The following CDK8 variants were observed in gnomAD, a reference collection of about 807,000 sequenced individuals.
CDK8 encodes the protein cyclin-dependent kinase 8.
In CDK8, 29 loss-of-function variants were observed where a neutral mutation model predicts 71.5. The observed-to-expected ratio is 0.41, with a 90% confidence interval of 0.30 to 0.55. CDK8 has a LOEUF of 0.55. Among genes scored for constraint, CDK8 ranks in the 20% least tolerant of loss-of-function variants. The probability of loss-of-function intolerance (pLI) is 0.37; values close to 1 mark genes in which losing one functional copy is unlikely to be tolerated. For missense variants in CDK8, 288 were observed against 572.6 expected (o/e 0.50, Z 5.07); for synonymous variants, 161 against 192.1 (o/e 0.84, Z 1.34).
intron 12 of CDK8, among the ~76,000 whole-genome samples, chr13:26,402,010 A>T (rs998910): frequency 6.6e-6 from 1 of 152,190 alleles, no homozygotes; most frequent in Non-Finnish European, 1.5e-5. Flanking sequence ...TTTTGGAACA[A>T]TGTTTCACAG....
chr13:26,275,926 A>G (rs1872545930), intron 1 of CDK8, among the ~76,000 whole-genome samples: 1 of 152,036 alleles, frequency 6.6e-6, no homozygotes, highest in Non-Finnish European at 1.5e-5. Flanking sequence ...GCCGTGGCAC[A>G]ATCTTGGCTC....
chr13:26,291,900 C>T (rs1873322496), intron 1 of CDK8, among the ~76,000 whole-genome samples: 1 of 152,032 alleles, frequency 6.6e-6, no homozygotes, highest in African/African-American at 2.4e-5. Flanking sequence ...GGGTTTACTC[C>T]CTTATTTTGC....
chr13:26,381,778 C>T (rs1875238160), intron 4 of CDK8, among the ~76,000 whole-genome samples: 1 of 151,174 alleles, frequency 6.6e-6, no homozygotes, highest in Admixed American at 6.6e-5. Flanking sequence ...CTGGGAATAA[C>T]TATCTTTGGT....
chr13:26,310,671 A>G (rs1224174030), intron 1 of CDK8, among the ~76,000 whole-genome samples: 2 of 152,126 alleles, frequency 1.3e-5, no homozygotes, highest in African/African-American at 4.8e-5. Flanking sequence ...GGCTATAAAT[A>G]CAGATGAAGC....
chr13:26,352,970 G>T (rs1355476136), intron 3 of CDK8, among the ~76,000 whole-genome samples: 2 of 152,154 alleles, frequency 1.3e-5, no homozygotes, highest in African/African-American at 2.4e-5. Context: ...TTAGGTTCAG[G>T]GATATGTACA....
Position 26,346,183 on chromosome 13 carries a change from G to C in CDK8, c.205-2889G>C, listed in dbSNP as rs145458919. Among the ~76,000 whole-genome samples, 880 of 152,188 alleles carry C rather than the reference G, an allele frequency of 5.8e-3. 10 individuals are homozygous for C. The highest frequency in any genetic ancestry group is 0.02 in the African/African-American group (833 of 41,534). On this transcript the variant is annotated intron_variant, in intron 2 of 12. Transcript: ENST00000381527. Reference sequence around the variant, plus strand: ...AAACCCCTTAAACCCCTGTTTTCTCGTTTGTAAAATAGGGGTTATATAAAT... The same window carrying C: ...AAACCCCTTAAACCCCTGTTTTCTCCTTTGTAAAATAGGGGTTATATAAAT...
intron 1 of CDK8, among the ~76,000 whole-genome samples, chr13:26,267,572 G>A (rs1566463885): frequency 6.6e-6 from 1 of 152,026 alleles, no homozygotes; most frequent in Non-Finnish European, 1.5e-5. Flanking sequence ...CATGACCGTG[G>A]AAAAAAATTT....
chr13:26,273,066 T>C (rs1001912086), intron 1 of CDK8, among the ~76,000 whole-genome samples: 1 of 152,196 alleles, frequency 6.6e-6, no homozygotes, highest in African/African-American at 2.4e-5. Flanking sequence ...CACAAAAACT[T>C]CTATGTTTTT....
At chr13:26,347,188 A>G (rs1036201787) in intron 2 of CDK8, among the ~76,000 whole-genome samples, 3 of 152,306 alleles carry the variant, frequency 2.0e-5, no homozygotes, top group Non-Finnish European at 4.4e-5. Context: ...TTTAAATAAA[A>G]TAACATCCTT....
intron 5 of CDK8, 105 bp from the exon 6 acceptor site, chr13:26,385,106 T>A: frequency 1.1e-6 from 1 of 920,542 alleles, no homozygotes; most frequent in Non-Finnish European, 1.6e-6. Flanking sequence ...TCCCCTAGAA[T>A]TGAGCACATT....
intron 1 of CDK8, among the ~76,000 whole-genome samples, chr13:26,280,264 T>C (rs1462944252): frequency 6.6e-6 from 1 of 152,240 alleles, no homozygotes; most frequent in Non-Finnish European, 1.5e-5. Context: ...CATTTAAACC[T>C]ATACTGTAAC....
intron 7 of CDK8, among the ~76,000 whole-genome samples, chr13:26,395,268 T>A (rs1298795441): frequency 6.6e-6 from 1 of 152,056 alleles, no homozygotes; most frequent in Non-Finnish European, 1.5e-5. Flanking sequence ...CTGAACAACA[T>A]GGAGAAACCC....
chr13:26,382,178 G>A (rs1208269262), intron 4 of CDK8, among the ~76,000 whole-genome samples: 1 of 152,100 alleles, frequency 6.6e-6, no homozygotes, highest in East Asian at 1.9e-4. Context: ...GACTATAGGT[G>A]ACAATCAGTA....
At chr13:26,287,225 A>C (rs1464198434) in intron 1 of CDK8, among the ~76,000 whole-genome samples, 2 of 152,236 alleles carry the variant, frequency 1.3e-5, no homozygotes, top group Non-Finnish European at 2.9e-5. Context: ...CAGTTGCAAA[A>C]AAATGGAGCC....
intron 1 of CDK8, among the ~76,000 whole-genome samples, chr13:26,308,356 C>G (rs1874135636): frequency 6.6e-6 from 1 of 152,196 alleles, no homozygotes; most frequent in African/African-American, 2.4e-5. Context: ...AGTCCTCTTA[C>G]CACATGTGCA....
chr13:26,293,137 C>T (rs982215800), intron 1 of CDK8, among the ~76,000 whole-genome samples: 1 of 151,970 alleles, frequency 6.6e-6, no homozygotes, highest in African/African-American at 2.4e-5. Flanking sequence ...CTTTGTTTCT[C>T]TAGATTCTTA....
intron 3 of CDK8, among the ~76,000 whole-genome samples, chr13:26,351,364 G>C (rs1228286280): frequency 2.0e-5 from 3 of 150,506 alleles, no homozygotes; most frequent in Non-Finnish European, 4.4e-5. Context: ...TTAAATCTTT[G>C]GTTCTTCTGT....
chr13:26,266,396 A>C (rs1041589009), intron 1 of CDK8, among the ~76,000 whole-genome samples: 3 of 152,150 alleles, frequency 2.0e-5, no homozygotes, highest in Non-Finnish European at 4.4e-5. Flanking sequence ...TCTACCTAGG[A>C]GGCCAAAAAT....
chr13:26,347,984 C>T (rs888433764), intron 2 of CDK8, among the ~76,000 whole-genome samples: 6 of 151,984 alleles, frequency 3.9e-5, no homozygotes, highest in Non-Finnish European at 8.8e-5. Flanking sequence ...ATAGTGTATA[C>T]CACTGTTCAT....
Sources: allele counts gnomAD v4.1 joint callset (sites outside exome capture counted in the v4.1 genomes callset), GRCh38; gene constraint gnomAD v4.1.1; transcripts MANE v1.5; gene names NCBI Gene and HGNC (gene_info 2026-07-23, HGNC 2026-07-21).